Variants in SLC4A5 observed in about 807,000 individuals in gnomAD.
SLC4A5 encodes electrogenic sodium bicarbonate cotransporter 4.
Under a neutral mutation model 120.4 loss-of-function variants are expected in SLC4A5, and 96 were observed. The observed-to-expected ratio is 0.80, with a 90% CI of 0.68 to 0.94. The LOEUF (loss-of-function observed/expected upper bound fraction) is 0.94, where lower values mean the gene tolerates loss of function less well. Ranked by LOEUF, SLC4A5 falls within the 40% of genes least tolerant of loss-of-function variation. SLC4A5 has a pLI of 0.00. For synonymous variants in SLC4A5, 550 were observed against 571.1 expected, an observed-to-expected ratio of 0.96 and a Z score of 0.53; for missense variants, 1,259 against 1,459.5, an observed-to-expected ratio of 0.86 and a Z score of 2.24.
intron 5 of SLC4A5, among the ~76,000 whole-genome samples, chr2:74,325,318 T>G (rs1182763008): frequency 6.6e-6 from 1 of 152,214 alleles, no homozygotes; most frequent in Non-Finnish European, 1.5e-5. Context: ...GGAGCTATAA[T>G]GTAGCTATAA....
intron 8 of SLC4A5, among the ~76,000 whole-genome samples, chr2:74,275,053 A>C (rs1410032779): frequency 6.6e-6 from 1 of 152,162 alleles, no homozygotes; most frequent in Non-Finnish European, 1.5e-5. Context: ...TTTGAATGAA[A>C]GTCTTTCCTT....
rs1573026233 is a variant in SLC4A5 at position 74,250,535 on chromosome 2, A to G, written c.1479-18T>C. 1 of 1,613,770 alleles carries G rather than the reference A, an allele frequency of 6.2e-7. No individual in the cohort carries two copies. The highest frequency in any genetic ancestry group is 1.3e-5 in the African/African-American group (1 of 75,044). On this transcript the variant is annotated intron_variant, in intron 16 of 30. Transcript: ENST00000394019. ...CGAAGAACCTGCTCAAGACAGGCCC[A>G]GGGGCTGCTTTCTCACCACTAACAC... is the stretch of plus-strand genomic sequence containing the variant.
chr2:74,328,800 A>G (rs1673280729), intron 4 of SLC4A5, among the ~76,000 whole-genome samples: 1 of 152,232 alleles, frequency 6.6e-6, no homozygotes, highest in Non-Finnish European at 1.5e-5. Flanking sequence ...AAGTACCTAA[A>G]TGTTCAGCTG....
intron 6 of SLC4A5, among the ~76,000 whole-genome samples, chr2:74,306,330 C>G (rs1470347913): frequency 6.6e-6 from 1 of 151,848 alleles, no homozygotes; most frequent in Non-Finnish European, 1.5e-5. Flanking sequence ...AACTGCCTCT[C>G]TGACCAGAGA....
chr2:74,241,425 C>T (rs1257945217), intron 20 of SLC4A5, among the ~76,000 whole-genome samples: 3 of 151,522 alleles, frequency 2.0e-5, no homozygotes, highest in Non-Finnish European at 4.4e-5. Flanking sequence ...ACCACTACAC[C>T]CAGCTCGTAT....
rs529780187 is a variant in SLC4A5 at position 74,227,621 on chromosome 2, G to C, written c.2916+189C>G. On this transcript the variant is annotated intron_variant, in intron 26 of 30. Coordinates refer to ENST00000394019, the Ensembl canonical transcript of SLC4A5. Reference sequence around the variant, plus strand: ...ATAGATTCAATTATATGAGGCCTATGAAGTGCCTAACATATTTATTTTGCC... The same window carrying C: ...ATAGATTCAATTATATGAGGCCTATCAAGTGCCTAACATATTTATTTTGCC... 22 of 1,371,998 alleles carry C rather than the reference G, an allele frequency of 1.6e-5. No individual in the cohort carries two copies. The African/African-American group carries it at 2.5e-4, about 15-fold the overall frequency. 85.0% of individuals were successfully genotyped at this position (1,371,998 alleles called of 1,614,324 possible). A position where few individuals can be genotyped will look rare whatever the true frequency, so the allele number is the denominator to read the frequency against.
chr2:74,285,726 C>T (rs1405083938), intron 8 of SLC4A5, 47 bp downstream of exon 8: 10 of 1,597,022 alleles, frequency 6.3e-6, no homozygotes, highest in Non-Finnish European at 8.5e-6. Flanking sequence ...CAAGCCCAGG[C>T]TGTGTGAGAC....
intron 5 of SLC4A5, among the ~76,000 whole-genome samples, chr2:74,320,207 TA>T (rs904249636): frequency 1.2e-4 from 18 of 151,562 alleles, no homozygotes; most frequent in African/African-American, 4.4e-4. Flanking sequence ...AAAAGAGAGA[TA>T]AAAAAATAGT....
chr2:74,220,852 T>C (rs1355712616), intron 30 of SLC4A5, among the ~76,000 whole-genome samples: 2 of 145,288 alleles, frequency 1.4e-5, no homozygotes, highest in South Asian at 4.4e-4. Flanking sequence ...TTTTTTTTTT[T>C]TTTTTTGAGA....
exon 31 of SLC4A5, chr2:74,217,720 A>G (rs1202931502): frequency 6.6e-6 from 1 of 152,220 alleles, no homozygotes; most frequent in Non-Finnish European, 1.5e-5. Context: ...TGGTTCTTTC[A>G]TTAACAGAGT....
intron 23 of SLC4A5, among the ~76,000 whole-genome samples, chr2:74,233,085 A>G (rs1670148839): frequency 6.6e-6 from 1 of 152,188 alleles, no homozygotes; most frequent in Non-Finnish European, 1.5e-5. Context: ...CCTCTGCCTC[A>G]GTGTTCTAGG....
intron 8 of SLC4A5, among the ~76,000 whole-genome samples, chr2:74,273,557 T>C (rs1415828930): frequency 6.6e-6 from 1 of 152,224 alleles, no homozygotes; most frequent in East Asian, 1.9e-4. Context: ...TTCTGTGTAT[T>C]AGTTACAAAG....
At chr2:74,287,299 G>A (rs1672014219) in intron 7 of SLC4A5, among the ~76,000 whole-genome samples, 1 of 152,156 alleles carries the variant, frequency 6.6e-6, no homozygotes, top group African/African-American at 2.4e-5. Flanking sequence ...TGTGTCTGAG[G>A]GCTTGGGCTG....
At chr2:74,288,950 A>G (rs1672072813) in intron 7 of SLC4A5, among the ~76,000 whole-genome samples, 1 of 152,210 alleles carries the variant, frequency 6.6e-6, no homozygotes, top group Non-Finnish European at 1.5e-5. Context: ...ATTCATGTCC[A>G]ACTGGACACT....
intron 26 of SLC4A5, chr2:74,227,516 C>G (rs757287572): frequency 1.2e-6 from 2 of 1,612,240 alleles, no homozygotes; most frequent in Admixed American, 1.7e-5. Flanking sequence ...GAAATGCTCA[C>G]TGGAGTCAGC....
At chr2:74,305,933 C>T (rs1482626647) in intron 6 of SLC4A5, among the ~76,000 whole-genome samples, 1 of 152,060 alleles carries the variant, frequency 6.6e-6, no homozygotes, top group Non-Finnish European at 1.5e-5. Flanking sequence ...GCCATGTTAG[C>T]CAGGCTGGTC....
rs774641469 is a variant in SLC4A5 at position 74,222,874 on chromosome 2, T to C, written c.3325A>G (p.Ile1109Val). 5 of 1,612,434 alleles carry C rather than the reference T, an allele frequency of 3.1e-6. No homozygotes were observed. The highest frequency in any genetic ancestry group is 1.6e-4 in the Middle Eastern group (1 of 6,062). Residue 1109 changes from isoleucine (I) to valine (V), a missense_variant, in exon 29 of 31, where the codon ATT becomes GTT. By Grantham distance (29) the Ile-to-Val change is conservative. Transcript: ENST00000394019. ...CATCATGTGTTTTACTTACTGGCAA[T>C]GCAGTGGATACCGTTTTGGGGATCT...
exon 19 of SLC4A5, chr2:74,247,124 G>A (rs768212732): frequency 9.9e-6 from 16 of 1,614,068 alleles, no homozygotes; most frequent in African/African-American, 5.3e-5. Flanking sequence ...TGAAGGCACC[G>A]ATCATCTTCT....
At chr2:74,330,433 T>C in intron 4 of SLC4A5, among the ~76,000 whole-genome samples, 1 of 146,186 alleles carries the variant, frequency 6.8e-6, no homozygotes, top group South Asian at 2.2e-4. Flanking sequence ...GAGGTCTAGA[T>C]GGAGATGTGT....
Sources: gnomAD v4.1 joint callset for allele counts (sites outside exome capture counted in the v4.1 genomes callset) on GRCh38, gnomAD v4.1.1 for gene constraint, MANE v1.5 for transcripts, NCBI Gene and HGNC (gene_info 2026-07-23, HGNC 2026-07-21) for gene names.